The following GRK2 variants were observed in gnomAD, a reference collection of about 807,000 sequenced individuals.
GRK2 encodes G protein-coupled receptor kinase 2.
GRK2 carries 23 observed loss-of-function variants against 97.8 expected under a neutral mutation model. The ratio of observed to expected loss-of-function variants is 0.24; its 90% CI spans 0.17 to 0.33. The LOEUF is 0.33. GRK2 is among the 10% of genes least tolerant of loss of function. The pLI, the probability that GRK2 is intolerant of heterozygous loss-of-function variation, is 1.00. For missense variants in GRK2, 633 were observed against 956.9 expected (o/e 0.66, Z 4.47); for synonymous variants, 425 against 381.7 (o/e 1.11, Z -1.32).
At chr11:67,278,082 A>G (rs573476157) in intron 2 of GRK2, among the ~76,000 whole-genome samples, 1 of 152,180 alleles carries the variant, frequency 6.6e-6, no homozygotes, top group Non-Finnish European at 1.5e-5. Context: ...TCTGAGCCTG[A>G]TGGTGTCCTC....
Position 67,266,608 on chromosome 11 carries a change from G to C in GRK2, c.-92G>C, listed in dbSNP as rs1859804379. 1 of 452,314 alleles carries C rather than the reference G, an allele frequency of 2.2e-6. No homozygotes were observed. Among genetic ancestry groups the C allele is most frequent in the South Asian group, 8.8e-5 (1 of 11,414 alleles). The allele number at this position is 452,314 out of a possible 1,614,324, so 28.0% of individuals were successfully genotyped here. On this transcript the variant is annotated 5_prime_UTR_variant, in exon 1 of 21. Transcript: ENST00000308595. The stretch of plus-strand genomic sequence containing the variant: ...GCGGGAGGCGTCGGCGCCCGAGGCC[G>C]AGCGAGCCGCGGCCGGGCCGGGCCG...
chr11:67,274,495 C>CTTTTTTGTTTTTTT (rs1859982172), intron 1 of GRK2, among the ~76,000 whole-genome samples: 1 of 22,472 alleles, frequency 4.4e-5, no homozygotes, highest in African/African-American at 1.2e-4. Context: ...TGACCAGCAC[C>CTTTTTTGTTTTTTT]TTTTTTTTTT....
At chr11:67,280,245 T>C (rs1860120263) in intron 6 of GRK2, 1 of 403,272 alleles carries the variant, frequency 2.5e-6, no homozygotes, top group Non-Finnish European at 4.6e-6. Context: ...CTGGTAGGGG[T>C]AGGCCCAGTA....
At position 67,266,777 on chromosome 11, in the gene GRK2, G is replaced by C; in HGVS notation, c.78G>C (p.Ala26=). ...AMEKSKATPA[A]RASKKILLPE... The stretch of plus-strand genomic sequence containing the variant: ...AGAAGAGCAAGGCCACGCCGGCCGC[G>C]CGCGCCAGCAAGAAGATCCTGCTGC... The change falls in exon 1 of 21, where the codon GCG becomes GCC. Residue 26 remains alanine, a synonymous_variant. Coordinates refer to ENST00000308595, the MANE Select transcript of GRK2 (RefSeq NM_001619.5). 7.3e-7 allele frequency: 1 copy of C among 1,365,476 alleles called. No homozygotes were observed. 84.6% of individuals were successfully genotyped at this position (1,365,476 alleles called of 1,614,324 possible). A position where few individuals can be genotyped will look rare whatever the true frequency, so the allele number is the denominator to read the frequency against.
rs1296727881 is a variant in GRK2 at position 67,280,982 on chromosome 11, G to A, written c.556-111G>A. On this transcript the variant is annotated intron_variant, in intron 7 of 20. Transcript: ENST00000308595. ...GTAAATATGTGGCAAGGATGGCCAG[G>A]ACATGGGTATGGGGACCCTGGCATG... 17 of 1,152,604 alleles carry A rather than the reference G, an allele frequency of 1.5e-5. No individual in the cohort carries two copies. In the East Asian group the frequency reaches 3.5e-4, roughly 24 times the overall value. 71.4% of individuals were successfully genotyped at this position (1,152,604 alleles called of 1,614,324 possible).
Position 67,266,724 on chromosome 11 carries a change from G to A in GRK2, c.25G>A (p.Ala9Thr). Residue 9 changes from alanine (A) to threonine (T), a missense_variant, in exon 1 of 21, where the codon GCC (alanine) becomes ACC (threonine). Coordinates refer to ENST00000308595, the MANE Select transcript of GRK2 (RefSeq NM_001619.5). ...GATGGCGGACCTGGAGGCGGTGCTG[G>A]CCGACGTGAGCTACCTGATGGCCAT... MADLEAVL[A>T]DVSYLMAMEK... 2.3e-6 allele frequency: 3 copies of A among 1,326,324 alleles called. No individual in the cohort carries two copies. The highest frequency in any genetic ancestry group is 1.9e-5 in the South Asian group (1 of 51,828). 82.2% of individuals were successfully genotyped at this position (1,326,324 alleles called of 1,614,324 possible). A position where few individuals can be genotyped will look rare whatever the true frequency, so the allele number is the denominator to read the frequency against.
chr11:67,282,917 G>A lies in GRK2; in HGVS notation c.1227+99G>A. The stretch of plus-strand genomic sequence containing the variant: ...CTTCCCACCAGCCAGCAGAGATCTG[G>A]GCCACTGACCCCTACTCTGGCCTCT... On this transcript the variant is annotated intron_variant, in intron 14 of 20. Transcript: ENST00000308595. This position sits in a 1 kb window ranked among gnomAD's most constrained non-coding sequence, Gnocchi z 6.9. The A allele has an allele frequency of 7.4e-7, 1 of 1,359,104 alleles. No individual in the cohort carries two copies. Among genetic ancestry groups the A allele is most frequent in the Non-Finnish European group, 1.0e-6 (1 of 982,874 alleles). The allele number at this position is 1,359,104 out of a possible 1,614,324, so 84.2% of individuals were successfully genotyped here.
At chr11:67,284,136 C>A in intron 17 of GRK2, 75 bp from the exon 18 acceptor site, 1 of 1,586,784 alleles carries the variant, frequency 6.3e-7, no homozygotes, top group East Asian at 2.2e-5. Flanking sequence ...GGCCCTGGGT[C>A]TGGGCAGCCT....
In GRK2 at chr11:67,281,266, G is replaced by T; in HGVS notation, c.647+82G>T. The T allele has an allele frequency of 7.8e-7, 1 of 1,280,268 alleles. No individual in the cohort carries two copies. The allele number at this position is 1,280,268 out of a possible 1,614,324, so 79.3% of individuals were successfully genotyped here. On this transcript the variant is annotated intron_variant, in intron 8 of 20. Coordinates refer to ENST00000308595, the MANE Select transcript of GRK2 (RefSeq NM_001619.5). This position sits in a 1 kb window ranked among gnomAD's most constrained non-coding sequence, Gnocchi z 5.7. ...CCTGACAGGCCGGGTTCCACACAGG[G>T]CCACCTGCTGCTCCATGCACTCCTG...
rs963561953 is a variant in GRK2, at chr11:67,276,136, T to C, written c.114-1136T>C. Among the ~76,000 whole-genome samples, 8 of 152,192 alleles carry C rather than the reference T, an allele frequency of 5.3e-5. No individual in the cohort carries two copies. Among genetic ancestry groups the C allele is most frequent in the Non-Finnish European group, 7.3e-5 (5 of 68,028 alleles). ...TGCAGTCATTTCACGGGAGGCCTGCTGGTGGCCCCATAGACCTGCAGGGCC... is the reference window on the plus strand; with the variant it reads ...TGCAGTCATTTCACGGGAGGCCTGCCGGTGGCCCCATAGACCTGCAGGGCC... On this transcript the variant is annotated intron_variant, in intron 1 of 20. Coordinates refer to ENST00000308595, the MANE Select transcript of GRK2 (RefSeq NM_001619.5). The surrounding 1 kb of genome is among the most constrained non-coding windows in gnomAD (Gnocchi z 4.2).
At chr11:67,275,516 G>T (rs1247974520) in intron 1 of GRK2, among the ~76,000 whole-genome samples, 3 of 151,920 alleles carry the variant, frequency 2.0e-5, no homozygotes, top group Non-Finnish European at 4.4e-5. Context: ...CCTCTGCCTG[G>T]GCTTCCTCCG....
Position 67,281,617 on chromosome 11 carries a change from C to A in GRK2, c.748-33C>A. On this transcript the variant is annotated intron_variant, in intron 9 of 20. Transcript: ENST00000308595. The surrounding 1 kb of genome is among the most constrained non-coding windows in gnomAD (Gnocchi z 5.7). ...CTGGAACCCCGGGCGCCCCTGCTAA[C>A]TGCCCGCCCCCTCCCCTCCTCTCCC... 1 of 1,600,764 alleles carries A rather than the reference C, an allele frequency of 6.2e-7. No individual in the cohort carries two copies. The highest frequency in any genetic ancestry group is 8.6e-7 in the Non-Finnish European group (1 of 1,168,622).
At chr11:67,267,616 C>A (rs1240448874) in intron 1 of GRK2, among the ~76,000 whole-genome samples, 1 of 152,240 alleles carries the variant, frequency 6.6e-6, no homozygotes, top group Non-Finnish European at 1.5e-5. Context: ...ATGGCTGGAC[C>A]TTAGCTGCCG....
At position 67,279,839 on chromosome 11, in the gene GRK2, C is replaced by T. The variant is rs748500568; in HGVS notation, c.442C>T (p.Pro148Ser). 3 of 1,614,036 alleles carry T rather than the reference C, an allele frequency of 1.9e-6. No homozygotes were observed. The highest frequency in any genetic ancestry group is 2.2e-5 in the South Asian group (2 of 91,090). Reference sequence around the variant, plus strand: ...ACCAACTTCCAGCTTCCTCCCTTAGCCATACATCGAAGAGATTTGTCAAAA... The same window carrying T: ...ACCAACTTCCAGCTTCCTCCCTTAGTCATACATCGAAGAGATTTGTCAAAA... The part of the protein sequence containing the change: ...KKQVPPDLFQ[P>S]YIEEICQNLR... Residue 148 changes from proline to serine, a missense_variant and splice_region_variant, in exon 6 of 21, where the codon CCA (proline) becomes TCA (serine). Coordinates refer to ENST00000308595, the MANE Select transcript of GRK2 (RefSeq NM_001619.5).
chr11:67,279,930 G>A lies in GRK2; in HGVS notation c.503+30G>A, dbSNP rs568332978. 5.6e-6 allele frequency: 9 copies of A among 1,606,192 alleles called. No homozygotes were observed. In the African/African-American group the frequency reaches 1.1e-4, roughly 19 times the overall value. On this transcript the variant is annotated intron_variant, in intron 6 of 20. Coordinates refer to ENST00000308595, the MANE Select transcript of GRK2 (RefSeq NM_001619.5). ...GAGCAGGGAAGTGTGGGAGAGGAAG[G>A]GGGAGGGAGGGGCCGCTCTCAGAAG...
In GRK2 at chr11:67,282,625, G is replaced by C; in HGVS notation, c.1160+83G>C. The stretch of plus-strand genomic sequence containing the variant: ...ATCCAGGTGGGATGCCAAAGGAGGG[G>C]AGCCCATAGCTGCCTTGGTGGTAGG... On this transcript the variant is annotated intron_variant, in intron 13 of 20. Transcript: ENST00000308595. This position sits in a 1 kb window ranked among gnomAD's most constrained non-coding sequence, Gnocchi z 6.9. 6.4e-7 allele frequency: 1 copy of C among 1,559,958 alleles called. No homozygotes were observed. The highest frequency in any genetic ancestry group is 1.1e-5 in the South Asian group (1 of 87,860).
intron 1 of GRK2, among the ~76,000 whole-genome samples, chr11:67,267,795 G>A (rs759707091): frequency 6.6e-6 from 1 of 152,212 alleles, no homozygotes; most frequent in Non-Finnish European, 1.5e-5. Flanking sequence ...GGGGTGGCGA[G>A]GACAGGTGTG....
At chr11:67,273,717 G>T (rs1474010519) in intron 1 of GRK2, among the ~76,000 whole-genome samples, 2 of 152,118 alleles carry the variant, frequency 1.3e-5, no homozygotes, top group Non-Finnish European at 2.9e-5. Flanking sequence ...TTCTTTTTAA[G>T]GAAGAAAGTG....
Position 67,279,841 on chromosome 11 carries a change from A to G in GRK2, c.444A>G (p.Pro148=), listed in dbSNP as rs773298228. Residue 148 remains proline (P), a splice_region_variant and synonymous_variant, in exon 6 of 21, where the codon CCA becomes CCG. Transcript: ENST00000308595. ...CAACTTCCAGCTTCCTCCCTTAGCC[A>G]TACATCGAAGAGATTTGTCAAAACC... ...KKQVPPDLFQ[P]YIEEICQNLR... The G allele has an allele frequency of 1.2e-6, 2 of 1,614,012 alleles. No individual in the cohort carries two copies. Among genetic ancestry groups the G allele is most frequent in the South Asian group, 2.2e-5 (2 of 91,084 alleles).
Sources: allele counts gnomAD v4.1 joint callset (sites outside exome capture counted in the v4.1 genomes callset), GRCh38; gene constraint gnomAD v4.1.1; non-coding constraint Gnocchi (gnomAD v3.1); transcripts MANE v1.5; gene names NCBI Gene and HGNC (gene_info 2026-07-23, HGNC 2026-07-21).